Variants in CDC25B observed in about 807,000 individuals in gnomAD.
CDC25B encodes the protein M-phase inducer phosphatase 2.
A neutral mutation model predicts 69.8 loss-of-function variants in CDC25B; 33 were observed. The ratio of observed to expected loss-of-function variants is 0.47; its 90% CI spans 0.36 to 0.63. CDC25B has a LOEUF of 0.63. Ranked by LOEUF, CDC25B falls within the 30% of genes least tolerant of loss-of-function variation. CDC25B has a pLI of 0.00. For missense variants in CDC25B, 727 were observed against 809.1 expected (o/e 0.90, Z 1.23); for synonymous variants, 341 against 314.6 (o/e 1.08, Z -0.89).
chr20:3,796,074 A>G (rs2089025265), upstream of CDC25B: 1 of 1,004,778 alleles, frequency 1.0e-6, no homozygotes, highest in African/African-American at 1.7e-5. Flanking sequence ...ATGTCGCGAG[A>G]GGCGGATTTT....
At chr20:3,801,420 T>C in intron 8 of CDC25B, 32 bp downstream of exon 8, 1 of 1,564,398 alleles carries the variant, frequency 6.4e-7, no homozygotes, top group Non-Finnish European at 8.7e-7. Context: ...GGCCCCTACC[T>C]TCCTATCCCT....
At chr20:3,796,887 G>T (rs1029725524) in intron 1 of CDC25B, among the ~76,000 whole-genome samples, 156 bp downstream of exon 1, 1 of 152,082 alleles carries the variant, frequency 6.6e-6, no homozygotes, top group East Asian at 1.9e-4. Flanking sequence ...CCTCCTAGGG[G>T]CCCAGGACAT....
In CDC25B at chr20:3,796,729, CA is replaced by C; in HGVS notation, c.199del (p.Ser67AlafsTer8). 3 of 1,566,228 alleles carry C rather than the reference CA, an allele frequency of 1.9e-6. No individual in the cohort carries two copies. Among genetic ancestry groups the C allele is most frequent in the Non-Finnish European group, 2.6e-6 (3 of 1,165,576 alleles). On this transcript the variant is annotated frameshift_variant and splice_region_variant, in exon 1 of 16. Transcript: ENST00000245960. LOFTEE classifies it high-confidence loss of function. ...QTMHDLAGLG[S>X]ETPKSQVGTL... ...CCATGCACGACCTCGCCGGGCTCGGCAGGTAGGACACCCCAAGGAGGCTGCA... is the reference window on the plus strand; with the variant it reads ...CCATGCACGACCTCGCCGGGCTCGGCGGTAGGACACCCCAAGGAGGCTGCA...
At chr20:3,789,078 C>T (rs2088871820) in intron 1 of CDC25B, among the ~76,000 whole-genome samples, 1 of 152,190 alleles carries the variant, frequency 6.6e-6, no homozygotes, top group East Asian at 1.9e-4. Flanking sequence ...TGACCATTTC[C>T]CCCAGCAATC....
In CDC25B at chr20:3,801,736, TC is replaced by T. The variant is rs1568509472; in HGVS notation, c.860del (p.Pro287GlnfsTer42). 1.2e-6 allele frequency: 2 copies of T among 1,603,464 alleles called. No homozygotes were observed. Among genetic ancestry groups the T allele is most frequent in the Admixed American group, 1.7e-5 (1 of 57,462 alleles). On this transcript the variant is annotated frameshift_variant, in exon 9 of 16. Coordinates refer to ENST00000245960, the MANE Select transcript of CDC25B (RefSeq NM_021873.4). LOFTEE classifies it high-confidence loss of function. ...ESDLKDDDAVPPGMESLISAP... is the reference protein window; with the variant it reads ...ESDLKDDDAVXPGMESLISAP... ...TCTGGCCTCAGGATGATGATGCAGT[TC>T]CCCCAGGCATGGAGAGTCTCATTAG...
At chr20:3,802,228 C>A in intron 10 of CDC25B, 53 bp from the exon 11 acceptor site, 1 of 1,561,362 alleles carries the variant, frequency 6.4e-7, no homozygotes, top group Non-Finnish European at 8.8e-7. Context: ...CCAGCCAGAG[C>A]ACTGGGGGGC....
At chr20:3,791,786 C>T (rs149366884), upstream of CDC25B, among the ~76,000 whole-genome samples, 383 of 152,214 alleles carry the variant, frequency 2.5e-3, 1 homozygote, top group Non-Finnish European at 4.0e-3. Context: ...CTTACTGCAT[C>T]GTTGTAAAAG....
Position 3,800,821 on chromosome 20 carries a change from G to T in CDC25B, c.538G>T (p.Ala180Ser), listed in dbSNP as rs773393529. 26 of 1,613,476 alleles carry T rather than the reference G, an allele frequency of 1.6e-5. No homozygotes were observed. Among genetic ancestry groups the T allele is most frequent in the Non-Finnish European group, 2.1e-5 (25 of 1,180,034 alleles). ...GCCCGACGGCCGGAGGAAGAGCGAG[G>T]CGGGCAGTGGAGCTGCCAGCAGCTC... ...QAPDGRRKSE[A>S]GSGAASSSGE... is the part of the protein sequence containing the mutation. The change falls in exon 6 of 16, where the codon GCG becomes TCG. Residue 180 changes from alanine to serine, a missense_variant. By Grantham distance (99) the Ala-to-Ser change is moderately conservative. This residue lies in a region of CDC25B where 368 missense variants were observed against 345.6 expected (regional missense o/e 1.06). Coordinates refer to ENST00000245960, the MANE Select transcript of CDC25B (RefSeq NM_021873.4).
In CDC25B at chr20:3,804,949, G is replaced by T. The variant is rs766644223; in HGVS notation, c.1731G>T (p.Leu577=). 1 of 1,612,624 alleles carries T rather than the reference G, an allele frequency of 6.2e-7. No individual in the cohort carries two copies. The highest frequency in any genetic ancestry group is 1.1e-5 in the South Asian group (1 of 91,076). The change falls in exon 16 of 16, where the codon CTG becomes CTT. Residue 577 remains leucine, a synonymous_variant. Coordinates refer to ENST00000245960, the MANE Select transcript of CDC25B (RefSeq NM_021873.4). ...GCCGGCGGGAGCTCTGTAGCCGGCT[G>T]CAGGACCAGTGAGGGGCCTGCGCCA... ...ERSRRELCSR[L]QDQ
chr20:3,800,086 A>G (rs1338568446), intron 3 of CDC25B, among the ~76,000 whole-genome samples: 1 of 152,116 alleles, frequency 6.6e-6, no homozygotes, highest in African/African-American at 2.4e-5. Flanking sequence ...AGCCTTTAAA[A>G]TTCCAAGCTG....
At chr20:3,795,867 C>T (rs1449706386), upstream of CDC25B, 1 of 984,984 alleles carries the variant, frequency 1.0e-6, no homozygotes, top group East Asian at 1.1e-4. Flanking sequence ...GAACTTCACG[C>T]CTCAGCGTCC....
At chr20:3,798,355 G>A (rs11569986) in intron 2 of CDC25B, 57 bp from the exon 3 acceptor site, 33,033 of 828,202 alleles carry the variant, frequency 0.04, 1,169 homozygotes, top group Non-Finnish European at 0.048. Context: ...GGACATGGTG[G>A]GGGAAAGAAT....
Position 3,803,756 on chromosome 20 carries a change from C to T in CDC25B, c.1490+219C>T, listed in dbSNP as rs2089375395. ...CCTATCAAGCCTCATGTCCACCCCACATCCATTACTGCCACCCTCAGAAAA... is the reference window on the plus strand; with the variant it reads ...CCTATCAAGCCTCATGTCCACCCCATATCCATTACTGCCACCCTCAGAAAA... On this transcript the variant is annotated intron_variant, in intron 14 of 15. Transcript: ENST00000245960. The surrounding 1 kb of genome is among the most constrained non-coding windows in gnomAD (Gnocchi z 4.9). Among the ~76,000 whole-genome samples, 1 of 152,232 alleles carries T rather than the reference C, an allele frequency of 6.6e-6. No homozygotes were observed. The highest frequency in any genetic ancestry group is 1.5e-5 in the Non-Finnish European group (1 of 68,044).
chr20:3,798,639 T>G (rs2089154167), intron 3 of CDC25B, among the ~76,000 whole-genome samples, 176 bp downstream of exon 3: 1 of 152,190 alleles, frequency 6.6e-6, no homozygotes, highest in Non-Finnish European at 1.5e-5. Flanking sequence ...TTCTGCTCCC[T>G]GTCTCAGAGA....
intron 1 of CDC25B, among the ~76,000 whole-genome samples, chr20:3,790,216 C>T (rs892229680): frequency 1.3e-4 from 20 of 150,438 alleles, no homozygotes; most frequent in Non-Finnish European, 2.5e-4. Context: ...TGCAGTGAGC[C>T]GAGATTACGG....
chr20:3,802,167 G>A, intron 10 of CDC25B, 67 bp downstream of exon 10: 3 of 1,542,380 alleles, frequency 1.9e-6, no homozygotes, highest in Admixed American at 1.9e-5. Flanking sequence ...GGCTAAGTTT[G>A]TGGCAGAGGG....
At chr20:3,790,224 C>T (rs1458772864) in intron 1 of CDC25B, among the ~76,000 whole-genome samples, 1 of 151,108 alleles carries the variant, frequency 6.6e-6, no homozygotes, top group Non-Finnish European at 1.5e-5. Context: ...GCCGAGATTA[C>T]GGCACTGTAC....
chr20:3,796,101 C>A, upstream of CDC25B: 1 of 1,014,872 alleles, frequency 9.9e-7, no homozygotes, highest in Non-Finnish European at 1.2e-6. Flanking sequence ...CCGGGATCCT[C>A]GCGCCAGGGG....
At chr20:3,799,510 G>C (rs1339562762) in intron 3 of CDC25B, among the ~76,000 whole-genome samples, 2 of 123,584 alleles carry the variant, frequency 1.6e-5, no homozygotes, top group African/African-American at 7.0e-5. Flanking sequence ...GTGTGTGTGT[G>C]TGTGTGTGTG....
Sources: gnomAD v4.1 joint callset for allele counts (sites outside exome capture counted in the v4.1 genomes callset) on GRCh38, gnomAD v4.1.1 for gene constraint, gnomAD v4.1.1 regional missense constraint, Gnocchi (gnomAD v3.1) non-coding constraint, MANE v1.5 for transcripts, NCBI Gene and HGNC (gene_info 2026-07-23, HGNC 2026-07-21) for gene names.